CDK15: variants seen among roughly 807,000 people sequenced by gnomAD.
CDK15 encodes cyclin dependent kinase 15.
Under a neutral mutation model 60.3 loss-of-function variants are expected in CDK15, and 62 were observed. That is an observed-to-expected ratio of 1.03 (90% CI 0.84 to 1.27). The LOEUF (loss-of-function observed/expected upper bound fraction) is 1.27, where lower values mean the gene tolerates loss of function less well. Ranked by LOEUF, CDK15 falls within the 50% of genes most tolerant of loss-of-function variation. The pLI, the probability that CDK15 is intolerant of heterozygous loss-of-function variation, is 0.00. For synonymous variants in CDK15, 194 were observed against 195.7 expected (o/e 0.99, Z 0.07); for missense variants, 541 against 527.8 (o/e 1.03, Z -0.25).
intron 4 of CDK15, among the ~76,000 whole-genome samples, chr2:201,820,430 T>C (rs1357299161): frequency 6.6e-6 from 1 of 152,194 alleles, no homozygotes; most frequent in African/African-American, 2.4e-5. Context: ...GCCTCTGTAA[T>C]GCTTTACATT....
At chr2:201,861,068 G>T in intron 10 of CDK15, 1 of 1,087,078 alleles carries the variant, frequency 9.2e-7, no homozygotes, top group African/African-American at 1.6e-5. Context: ...TTGAACTAAG[G>T]GGAAAGATAT....
chr2:201,848,290 A>G (rs1697757732), intron 9 of CDK15, among the ~76,000 whole-genome samples: 1 of 152,144 alleles, frequency 6.6e-6, no homozygotes, highest in African/African-American at 2.4e-5. Context: ...GCAGTTGCCT[A>G]TGATATGCTT....
At chr2:201,857,334 T>C (rs1473293132) in intron 10 of CDK15, among the ~76,000 whole-genome samples, 3 of 151,812 alleles carry the variant, frequency 2.0e-5, no homozygotes, top group East Asian at 3.9e-4. Context: ...AGTTTTTCTA[T>C]ATAAGAAGAA....
intron 9 of CDK15, among the ~76,000 whole-genome samples, chr2:201,848,742 G>A (rs943052987): frequency 6.6e-6 from 1 of 152,164 alleles, no homozygotes; most frequent in Admixed American, 6.5e-5. Flanking sequence ...AATCGGCGGG[G>A]TGCAGGGGGG....
At chr2:201,872,425 A>G in intron 11 of CDK15, 99 bp downstream of exon 11, 5 of 1,270,612 alleles carry the variant, frequency 3.9e-6, no homozygotes, top group South Asian at 3.6e-5. Context: ...GCCCCCGAGC[A>G]CTTCCATGTG....
intron 10 of CDK15, among the ~76,000 whole-genome samples, chr2:201,859,929 G>T (rs1698314800): frequency 6.6e-6 from 1 of 152,174 alleles, no homozygotes; most frequent in African/African-American, 2.4e-5. Context: ...CTCAACTAAA[G>T]TAAACGGAGG....
intron 4 of CDK15, among the ~76,000 whole-genome samples, chr2:201,815,661 C>A (rs966985044): frequency 2.0e-5 from 3 of 152,162 alleles, no homozygotes; most frequent in Non-Finnish European, 2.9e-5. Flanking sequence ...ATAGCAATAT[C>A]TTAATATAAT....
chr2:201,847,382 G>T lies in CDK15; in HGVS notation c.853G>T (p.Gly285Cys), dbSNP rs760638025. 1.7e-5 allele frequency: 28 copies of T among 1,613,406 alleles called. No individual in the cohort carries two copies. Among genetic ancestry groups the T allele is most frequent in the Non-Finnish European group, 2.3e-5 (27 of 1,179,626 alleles). The change falls in exon 9 of 14, where the codon GGT becomes TGT. Residue 285 changes from glycine to cysteine, a missense_variant and splice_region_variant. Gly to Cys is a radical substitution (Grantham distance 159). Coordinates refer to ENST00000652192, the MANE Select transcript of CDK15 (RefSeq NM_001366386.2). ...TEYSSELDIW[G>C]AGCIFIEMFQ... The stretch of plus-strand genomic sequence containing the variant: ...ATTTACTCTTATTTCATTTGCTAGG[G>T]GTGCAGGCTGCATCTTTATTGAAAT...
In CDK15 at chr2:201,895,352, T is replaced by C. The variant is rs1448004172; in HGVS notation, c.*2085T>C. The C allele has an allele frequency of 6.6e-6, 1 of 152,274 alleles. No homozygotes were observed. The highest frequency in any genetic ancestry group is 2.4e-5 in the African/African-American group (1 of 41,482). 9.4% of individuals were successfully genotyped at this position (152,274 alleles called of 1,614,324 possible). On this transcript the variant is annotated 3_prime_UTR_variant, in exon 14 of 14. Coordinates refer to ENST00000652192, the MANE Select transcript of CDK15 (RefSeq NM_001366386.2). The stretch of plus-strand genomic sequence containing the variant: ...AAAATTGATTTTATTAAGTGGAAGT[T>C]GACAGAATTATCCTCTTTATAATGG...
chr2:201,839,713 A>T (rs1413144682), intron 8 of CDK15, among the ~76,000 whole-genome samples: 3 of 152,198 alleles, frequency 2.0e-5, no homozygotes, highest in Admixed American at 2.0e-4. Context: ...ATAACGAAAC[A>T]AAAGTGACAA....
At chr2:201,823,583 A>C in intron 5 of CDK15, 82 bp from the exon 6 acceptor site, 1 of 1,215,750 alleles carries the variant, frequency 8.2e-7, no homozygotes, top group Non-Finnish European at 1.2e-6. Flanking sequence ...ACCTTCTGAC[A>C]GTCAAGTCAA....
At chr2:201,836,109 T>TA (rs1417779563) in intron 8 of CDK15, among the ~76,000 whole-genome samples, 13 of 124,916 alleles carry the variant, frequency 1.0e-4, no homozygotes, top group African/African-American at 2.8e-4. Context: ...TATTTATATA[T>TA]TTATATATAT....
chr2:201,855,085 C>G (rs974439476), intron 10 of CDK15, 148 bp downstream of exon 10: 1 of 675,626 alleles, frequency 1.5e-6, no homozygotes, highest in Non-Finnish European at 2.6e-6. Flanking sequence ...CCTGACTAAT[C>G]TTTGTATGAG....
intron 10 of CDK15, among the ~76,000 whole-genome samples, chr2:201,867,275 T>G (rs1265458238): frequency 6.6e-6 from 1 of 152,190 alleles, no homozygotes; most frequent in African/African-American, 2.4e-5. Context: ...CCCTCTTTGC[T>G]AGACCAAAGG....
At chr2:201,839,041 C>T (rs977021774) in intron 8 of CDK15, among the ~76,000 whole-genome samples, 4 of 151,782 alleles carry the variant, frequency 2.6e-5, no homozygotes, top group African/African-American at 7.3e-5. Context: ...CCCAGGTTCA[C>T]GCCATTCTCC....
intron 11 of CDK15, among the ~76,000 whole-genome samples, chr2:201,873,166 AT>A (rs1410027272): frequency 6.6e-6 from 1 of 152,188 alleles, no homozygotes; most frequent in African/African-American, 2.4e-5. Context: ...CTTACTGTTC[AT>A]TTCCTTTAAA....
intron 10 of CDK15, chr2:201,860,926 A>T: frequency 7.6e-7 from 1 of 1,315,334 alleles, no homozygotes; most frequent in Non-Finnish European, 1.0e-6. Context: ...GATGATAAAG[A>T]GCTATTCTGC....
At chr2:201,835,587 C>A in intron 7 of CDK15, 56 bp from the exon 8 acceptor site, 1 of 1,456,236 alleles carries the variant, frequency 6.9e-7, no homozygotes, top group South Asian at 1.5e-5. Flanking sequence ...TCCAGTGCAT[C>A]ATGGTGCAAG....
At chr2:201,873,154 C>T (rs567917502) in intron 11 of CDK15, among the ~76,000 whole-genome samples, 8 of 152,292 alleles carry the variant, frequency 5.3e-5, no homozygotes, top group African/African-American at 1.7e-4. Flanking sequence ...GAATTCTTCA[C>T]TCTTACTGTT....
Sources: gnomAD v4.1 joint callset for allele counts (sites outside exome capture counted in the v4.1 genomes callset) on GRCh38, gnomAD v4.1.1 for gene constraint, MANE v1.5 for transcripts, NCBI Gene and HGNC (gene_info 2026-07-23, HGNC 2026-07-21) for gene names.